Variants in LRP1B observed in about 807,000 individuals in gnomAD.
LRP1B encodes the protein LDL receptor related protein 1B, also known as low-density lipoprotein receptor-related protein 1B.
Under a neutral mutation model 556.6 loss-of-function variants are expected in LRP1B, and 217 were observed. The observed-to-expected ratio is 0.39, with a 90% CI of 0.35 to 0.44. The LOEUF (loss-of-function observed/expected upper bound fraction) is 0.44. LRP1B is among the 20% of genes least tolerant of loss of function. The pLI, the probability that LRP1B is intolerant of heterozygous loss-of-function variation, is 1.00. For synonymous variants in LRP1B, 2,047 were observed against 1,865.8 expected, an observed-to-expected ratio of 1.10 and a Z score of -2.50; for missense variants, 5,053 against 5,620.8, an observed-to-expected ratio of 0.90 and a Z score of 3.23.
intron 7 of LRP1B, among the ~76,000 whole-genome samples, chr2:141,081,705 A>AC (rs1699926678): frequency 2.5e-5 from 1 of 40,160 alleles, no homozygotes; most frequent in South Asian, 6.0e-4. Flanking sequence ...TTAATAGAAA[A>AC]ATTAGGCTAC....
At chr2:140,465,140 G>T (rs1687491369) in intron 60 of LRP1B, among the ~76,000 whole-genome samples, 1 of 152,074 alleles carries the variant, frequency 6.6e-6, no homozygotes, top group Admixed American at 6.6e-5. Context: ...TCATGACAGA[G>T]GAAGAAGGGG....
chr2:141,048,616 T>C (rs1233634874), intron 11 of LRP1B, among the ~76,000 whole-genome samples: 2 of 152,086 alleles, frequency 1.3e-5, no homozygotes, highest in Non-Finnish European at 2.9e-5. Flanking sequence ...ACATGATCAA[T>C]AGTCTAATGA....
At chr2:141,909,761 T>C (rs7572155) in intron 1 of LRP1B, among the ~76,000 whole-genome samples, 130,245 of 151,762 alleles carry the variant, frequency 0.86, 56,069 homozygotes, top group East Asian at 1. Flanking sequence ...ACTTAGGTTT[T>C]CTGTTGAATG....
intron 2 of LRP1B, among the ~76,000 whole-genome samples, chr2:141,612,864 G>A (rs1450057665): frequency 1.3e-5 from 2 of 152,096 alleles, no homozygotes; most frequent in African/African-American, 4.8e-5. Context: ...GTGCAGTGGT[G>A]CAATCTCAGC....
intron 3 of LRP1B, among the ~76,000 whole-genome samples, chr2:141,340,973 A>G (rs888924938): frequency 6.6e-6 from 1 of 152,194 alleles, no homozygotes; most frequent in Non-Finnish European, 1.5e-5. Flanking sequence ...TTGATCGCAC[A>G]GACAAAACCA....
At chr2:141,571,960 G>A (rs543472455) in intron 2 of LRP1B, among the ~76,000 whole-genome samples, 2 of 152,262 alleles carry the variant, frequency 1.3e-5, no homozygotes, top group African/African-American at 2.4e-5. Flanking sequence ...ATTGATTTGA[G>A]TACCAGAAGG....
Position 140,770,977 on chromosome 2 carries a change from C to T in LRP1B, c.5530G>A (p.Gly1844Arg), listed in dbSNP as rs374580434. The change falls in exon 34 of 91, where the codon GGA becomes AGA. Residue 1844 changes from glycine to arginine, a missense_variant. Gly to Arg is a moderately radical substitution (Grantham distance 125, BLOSUM62 -2). Transcript: ENST00000389484. Reference sequence around the variant, plus strand: ...GTTGGTAAACAAAGTTGAGAGCATCCACCATTGTTTAGTTGGCAGGAATTG... The same window carrying T: ...GTTGGTAAACAAAGTTGAGAGCATCTACCATTGTTTAGTTGGCAGGAATTG... ...GSNSCQLNNG[G>R]CSQLCLPTSE... The T allele has an allele frequency of 1.9e-6, 3 of 1,583,138 alleles. No homozygotes were observed. The highest frequency in any genetic ancestry group is 2.7e-5 in the African/African-American group (2 of 72,808).
At chr2:140,797,876 T>A (rs1202901434) in intron 32 of LRP1B, among the ~76,000 whole-genome samples, 1 of 152,162 alleles carries the variant, frequency 6.6e-6, no homozygotes, top group Non-Finnish European at 1.5e-5. Flanking sequence ...GCATTTCCTG[T>A]TTTCGCTTCC....
chr2:141,072,151 T>C (rs1289340591), intron 7 of LRP1B, among the ~76,000 whole-genome samples: 1 of 152,086 alleles, frequency 6.6e-6, no homozygotes, highest in Non-Finnish European at 1.5e-5. Context: ...CTTCACTCCA[T>C]GATCAAGCTC....
chr2:140,249,302 A>T (rs1171814867), intron 86 of LRP1B, among the ~76,000 whole-genome samples: 1 of 151,704 alleles, frequency 6.6e-6, no homozygotes, highest in Non-Finnish European at 1.5e-5. Flanking sequence ...AGAGATTTTT[A>T]AATGAAGAAG....
At chr2:140,318,309 CTT>C (rs1361786040) in intron 82 of LRP1B, among the ~76,000 whole-genome samples, 4 of 152,054 alleles carry the variant, frequency 2.6e-5, no homozygotes. Flanking sequence ...GTTGTTATCA[CTT>C]TGATTAAATG....
At chr2:142,030,709 GT>G (rs1267639585) in intron 1 of LRP1B, among the ~76,000 whole-genome samples, 1 of 151,760 alleles carries the variant, frequency 6.6e-6, no homozygotes, top group African/African-American at 2.4e-5. Context: ...AAATAAAGTT[GT>G]CTGTGTAAGA....
At chr2:141,436,280 C>T (rs577739356) in intron 3 of LRP1B, among the ~76,000 whole-genome samples, 2 of 152,174 alleles carry the variant, frequency 1.3e-5, no homozygotes, top group East Asian at 1.9e-4. Context: ...GGTGAAGACA[C>T]TTAAGATCTA....
intron 2 of LRP1B, among the ~76,000 whole-genome samples, chr2:141,507,856 T>C (rs1683986266): frequency 6.6e-6 from 1 of 151,810 alleles, no homozygotes; most frequent in Non-Finnish European, 1.5e-5. Flanking sequence ...GAGTCCGAGG[T>C]GGATGGATCA....
intron 3 of LRP1B, among the ~76,000 whole-genome samples, chr2:141,310,831 G>T: frequency 6.6e-6 from 1 of 152,062 alleles, no homozygotes; most frequent in African/African-American, 2.4e-5. Flanking sequence ...TTTGAAATTT[G>T]GAAGCAAAAG....
intron 2 of LRP1B, among the ~76,000 whole-genome samples, chr2:141,607,754 C>T (rs1687970025): frequency 6.6e-6 from 1 of 151,784 alleles, no homozygotes; most frequent in Admixed American, 6.6e-5. Flanking sequence ...GAGACCTCAT[C>T]CGTACTAAAA....
intron 1 of LRP1B, among the ~76,000 whole-genome samples, chr2:141,871,949 G>A (rs1353660244): frequency 6.6e-6 from 1 of 151,948 alleles, no homozygotes; most frequent in Non-Finnish European, 1.5e-5. Context: ...GTCAGCTTAA[G>A]TCCATGCTAA....
chr2:141,692,786 G>C (rs998989384), intron 2 of LRP1B, among the ~76,000 whole-genome samples: 53 of 151,926 alleles, frequency 3.5e-4, no homozygotes, highest in Non-Finnish European at 7.2e-4. Flanking sequence ...CCACAAACCT[G>C]TACATTATGT....
chr2:140,848,649 C>T (rs1238824725), intron 29 of LRP1B, among the ~76,000 whole-genome samples: 1 of 152,150 alleles, frequency 6.6e-6, no homozygotes, highest in Non-Finnish European at 1.5e-5. Flanking sequence ...ATATGGATTA[C>T]TGATTACTCT....
Sources: gnomAD v4.1 joint callset for allele counts (sites outside exome capture counted in the v4.1 genomes callset) on GRCh38, gnomAD v4.1.1 for gene constraint, MANE v1.5 for transcripts, NCBI Gene and HGNC (gene_info 2026-07-23, HGNC 2026-07-21) for gene names.